F13A1: variants seen among roughly 807,000 people sequenced by gnomAD.
The protein encoded by F13A1 is coagulation factor XIII A chain.
A neutral mutation model predicts 80.1 loss-of-function variants in F13A1; 47 were observed. That is an observed-to-expected ratio of 0.59 (90% confidence interval 0.46 to 0.75). The LOEUF (loss-of-function observed/expected upper bound fraction) is 0.75, where lower values mean the gene tolerates loss of function less well. Ranked by LOEUF, F13A1 falls within the 30% of genes least tolerant of loss-of-function variation. F13A1 has a pLI of 0.00. For missense variants in F13A1, 817 were observed against 930.4 expected (o/e 0.88, Z 1.59); for synonymous variants, 349 against 344.9 (o/e 1.01, Z -0.13).
intron 6 of F13A1, among the ~76,000 whole-genome samples, chr6:6,242,408 T>C (rs1448514033): frequency 6.6e-6 from 1 of 152,200 alleles, no homozygotes; most frequent in Non-Finnish European, 1.5e-5. Flanking sequence ...GCATTGTGGT[T>C]CGATATTAGC....
At chr6:6,191,611 A>G (rs1482243468) in intron 10 of F13A1, among the ~76,000 whole-genome samples, 1 of 152,178 alleles carries the variant, frequency 6.6e-6, no homozygotes, top group Non-Finnish European at 1.5e-5. Flanking sequence ...GAATGTGAAC[A>G]TTTGTCCACA....
intron 3 of F13A1, among the ~76,000 whole-genome samples, chr6:6,276,534 AT>A (rs1757989905): frequency 6.6e-6 from 1 of 152,132 alleles, no homozygotes; most frequent in Admixed American, 6.5e-5. Context: ...AGCAGTTTCT[AT>A]TTGCTCTATC....
chr6:6,316,083 A>G (rs1467326725), intron 2 of F13A1, among the ~76,000 whole-genome samples: 167 of 3,834 alleles, frequency 0.044, 2 homozygotes, highest in Non-Finnish European at 0.056. Flanking sequence ...GTGTGCATAT[A>G]TATATATATA....
At chr6:6,288,584 T>C (rs963931785) in intron 3 of F13A1, among the ~76,000 whole-genome samples, 4 of 152,222 alleles carry the variant, frequency 2.6e-5, no homozygotes, top group South Asian at 2.1e-4. Context: ...CTTTCATATC[T>C]TGGTTATTGT....
chr6:6,209,914 G>A (rs951107675), intron 8 of F13A1, among the ~76,000 whole-genome samples: 1 of 152,118 alleles, frequency 6.6e-6, no homozygotes, highest in African/African-American at 2.4e-5. Flanking sequence ...GATAATGATG[G>A]TTATACAAGA....
intron 4 of F13A1, 141 bp from the exon 5 acceptor site, chr6:6,251,070 T>C (rs1254140484): frequency 4.0e-6 from 3 of 757,426 alleles, no homozygotes; most frequent in Non-Finnish European, 7.2e-6. Flanking sequence ...TCACCAAGCA[T>C]AGCTCATTTC....
chr6:6,286,573 G>A (rs1166349956), intron 3 of F13A1, among the ~76,000 whole-genome samples: 2 of 152,172 alleles, frequency 1.3e-5, no homozygotes, highest in Non-Finnish European at 2.9e-5. Context: ...AAGAATTGAG[G>A]CTGCTGTAGA....
rs916547265 is a variant in F13A1, at chr6:6,205,730, G to A, written c.1113-8404C>T. ...CGTGTTTTATTATTTTTTTTTTAGT[G>A]TAGTACCTCCAAATGGAACAGGCAG... On this transcript the variant is annotated intron_variant, in intron 8 of 14. Coordinates refer to ENST00000264870, the MANE Select transcript of F13A1 (RefSeq NM_000129.4). 4.7e-5 allele frequency among the ~76,000 whole-genome samples: 7 copies of A among 150,144 alleles called. No homozygotes were observed. In the East Asian group the frequency reaches 9.7e-4, roughly 21 times the overall value.
intron 8 of F13A1, among the ~76,000 whole-genome samples, chr6:6,210,329 A>ATATATATATATATATATATATATATG (rs1761582550): frequency 7.6e-5 from 9 of 117,918 alleles, no homozygotes; most frequent in Non-Finnish European, 3.4e-5. Context: ...CATGTGATAT[A>ATATATATATATATATATATATATATG]TATATATATA....
chr6:6,265,112 T>A (rs544240149), intron 4 of F13A1, among the ~76,000 whole-genome samples: 1 of 152,102 alleles, frequency 6.6e-6, no homozygotes, highest in African/African-American at 2.4e-5. Context: ...AGTAAATAAA[T>A]ATAAATATAA....
intron 8 of F13A1, chr6:6,206,562 C>T (rs375862509): frequency 3.0e-5 from 15 of 502,632 alleles, no homozygotes; most frequent in Middle Eastern, 3.2e-4. Context: ...GGGCTTCAGG[C>T]GCTCTTTGGA....
At chr6:6,161,165 C>G (rs542497719) in intron 13 of F13A1, among the ~76,000 whole-genome samples, 8 of 152,242 alleles carry the variant, frequency 5.3e-5, no homozygotes, top group Admixed American at 3.3e-4. Context: ...GGCGGGCCTC[C>G]CTGCATGAGG....
intron 6 of F13A1, among the ~76,000 whole-genome samples, chr6:6,225,525 T>C (rs996197830): frequency 1.1e-4 from 16 of 152,232 alleles, no homozygotes; most frequent in African/African-American, 3.9e-4. Context: ...TCTTTCTTTC[T>C]AAGATAAGGT....
In F13A1 at chr6:6,220,567, C is replaced by CTGTG. The variant is rs4053227; in HGVS notation, c.1112+1462_1112+1465dup. ...TGTGTGTGTGTGTCTGTGTGTCTGT[C>CTGTG]TGTGTGTGTGTGTGTGTGTCTGTGT... On this transcript the variant is annotated intron_variant, in intron 8 of 14. Coordinates refer to ENST00000264870, the MANE Select transcript of F13A1 (RefSeq NM_000129.4). Among the ~76,000 whole-genome samples the CTGTG allele has an allele frequency of 6.1e-3, 919 of 149,760 alleles. 9 individuals carry two copies. The highest frequency in any genetic ancestry group is 0.021 in the African/African-American group (853 of 40,778).
At position 6,174,854 on chromosome 6, in the gene F13A1, C is replaced by A. The variant is rs1760853004; in HGVS notation, c.1473G>T (p.Glu491Asp). ...TCAGGGCAGTTTCTAGGGCCAATCTCTCTTCTTCTTGACCTGGGGGAGATC... is the reference window on the plus strand; with the variant it reads ...TCAGGGCAGTTTCTAGGGCCAATCTATCTTCTTCTTGACCTGGGGGAGATC... ...TYKFQEGQEE[E>D]RLALETALMY... The change falls in exon 12 of 15, where the codon GAG (glutamate) becomes GAT (aspartate). Residue 491 changes from glutamate to aspartate, a missense_variant. Transcript: ENST00000264870. The A allele has an allele frequency of 6.2e-7, 1 of 1,614,050 alleles. No homozygotes were observed. Among genetic ancestry groups the A allele is most frequent in the African/African-American group, 1.3e-5 (1 of 74,906 alleles).
At chr6:6,222,682 A>G (rs188500757) in intron 7 of F13A1, among the ~76,000 whole-genome samples, 51 of 152,334 alleles carry the variant, frequency 3.3e-4, no homozygotes, top group Non-Finnish European at 5.0e-4. Flanking sequence ...CTTTCTTGCC[A>G]TATGTACCTA....
chr6:6,175,326 A>G (rs929705550), intron 11 of F13A1, among the ~76,000 whole-genome samples: 1 of 152,162 alleles, frequency 6.6e-6, no homozygotes, highest in South Asian at 2.1e-4. Flanking sequence ...CTGCCCCCCA[A>G]TAAGACCTGT....
At chr6:6,306,055 T>A (rs1758508333) in intron 2 of F13A1, among the ~76,000 whole-genome samples, 1 of 152,246 alleles carries the variant, frequency 6.6e-6, no homozygotes, top group Admixed American at 6.5e-5. Context: ...ATTCTCCTTT[T>A]ACCTCAAAAA....
intron 12 of F13A1, 23 bp from the exon 13 acceptor site, chr6:6,167,641 G>A (rs202099966): frequency 2.5e-5 from 41 of 1,611,864 alleles, no homozygotes; most frequent in Middle Eastern, 2.0e-4. Flanking sequence ...AACACACACA[G>A]GCCTGGCATC....
Sources: allele counts gnomAD v4.1 joint callset (sites outside exome capture counted in the v4.1 genomes callset), GRCh38; gene constraint gnomAD v4.1.1; transcripts MANE v1.5; gene names NCBI Gene and HGNC (gene_info 2026-07-23, HGNC 2026-07-21).